CEP120: variants seen among roughly 807,000 people sequenced by gnomAD.
CEP120 encodes centrosomal protein 120.
In CEP120, 113 loss-of-function variants were observed where a neutral mutation model predicts 126.5. The ratio of observed to expected loss-of-function variants is 0.89; its 90% CI spans 0.77 to 1.04. The LOEUF (loss-of-function observed/expected upper bound fraction) is 1.04. CEP120 is among the 50% of genes least tolerant of loss of function. The pLI is 0.00. For synonymous variants in CEP120, 400 were observed against 394.3 expected (o/e 1.01, Z -0.17); for missense variants, 1,230 against 1,155.7 (o/e 1.06, Z -0.93).
At chr5:123,393,268 TC>T in intron 6 of CEP120, 31 bp downstream of exon 6, 1 of 1,604,836 alleles carries the variant, frequency 6.2e-7, no homozygotes, top group Middle Eastern at 1.7e-4. Flanking sequence ...AAAGACCACC[TC>T]CAGCTAAAAA....
In CEP120 at chr5:123,345,720, T is replaced by C. The variant is rs1768764792; in HGVS notation, c.*799A>G. 1 of 152,148 alleles carries C rather than the reference T, an allele frequency of 6.6e-6. No individual in the cohort carries two copies. The highest frequency in any genetic ancestry group is 1.5e-5 in the Non-Finnish European group (1 of 68,020). 9.4% of individuals were successfully genotyped at this position (152,148 alleles called of 1,614,324 possible). ...CACTCTATTTTTTCAGCTAATGTCT[T>C]TATGTGTCTGTTTCCATGTTCTATT... On this transcript the variant is annotated 3_prime_UTR_variant, in exon 20 of 20. Coordinates refer to ENST00000306467, the MANE Select transcript of CEP120 (RefSeq NM_001375405.1).
At chr5:123,378,574 A>C (rs533826961) in intron 14 of CEP120, 146 bp from the exon 15 acceptor site, 1 of 485,732 alleles carries the variant, frequency 2.1e-6, no homozygotes, top group African/African-American at 2.0e-5. Flanking sequence ...CAATTCAAAG[A>C]AAAAAATGTG....
At position 123,422,674 on chromosome 5, in the gene CEP120, G is replaced by C. The variant is rs112500942; in HGVS notation, c.49+276C>G. On this transcript the variant is annotated intron_variant, in intron 1 of 19. Transcript: ENST00000306467. ...GTTCAGCTCATATATAAAAGCCATC[G>C]ACGTGCTGCTTTGGATGAAAATCGT... 1.6e-3 allele frequency: 1,321 copies of C among 845,038 alleles called. 12 individuals carry two copies. In the African/African-American group the frequency reaches 0.02, roughly 13 times the overall value. 52.3% of individuals were successfully genotyped at this position (845,038 alleles called of 1,614,324 possible). A position where few individuals can be genotyped will look rare whatever the true frequency, so the allele number is the denominator to read the frequency against.
intron 3 of CEP120, among the ~76,000 whole-genome samples, chr5:123,414,704 C>T (rs1215764399): frequency 6.6e-5 from 10 of 152,158 alleles, no homozygotes; most frequent in African/African-American, 2.2e-4. Flanking sequence ...CGGTGGCTCA[C>T]GCCTGTAATC....
upstream of CEP120, chr5:123,423,645 G>A (rs1774872585): frequency 6.6e-6 from 1 of 152,306 alleles, no homozygotes; most frequent in South Asian, 2.1e-4. Context: ...CGTATTACCT[G>A]CTTTATGCTT....
chr5:123,364,649 C>A, intron 17 of CEP120, 55 bp from the exon 18 acceptor site: 2 of 1,005,276 alleles, frequency 2.0e-6, no homozygotes, highest in East Asian at 2.5e-5. Context: ...TGTACAACCA[C>A]TGAAAGATAA....
At position 123,418,457 on chromosome 5, in the gene CEP120, T is replaced by G. The variant is rs1289971154; in HGVS notation, c.108A>C (p.Gly36=). The G allele has an allele frequency of 3.1e-6, 5 of 1,611,960 alleles. No individual in the cohort carries two copies. Among genetic ancestry groups the G allele is most frequent in the Non-Finnish European group, 4.2e-6 (5 of 1,178,534 alleles). The change falls in exon 2 of 20, where the codon GGA becomes GGC. Residue 36 remains glycine, a synonymous_variant. Transcript: ENST00000306467. The part of the protein sequence containing the change: ...HMLVVEAKFD[G]EQLATDPVDH... ...CCACAGGATCAGTAGCCAACTGTTCTCCATCAAACTTTGCTTCCACTACAA... is the reference window on the plus strand; with the variant it reads ...CCACAGGATCAGTAGCCAACTGTTCGCCATCAAACTTTGCTTCCACTACAA...
intron 4 of CEP120, chr5:123,402,446 G>GCAAGAC: frequency 4.5e-6 from 4 of 888,546 alleles, no homozygotes; most frequent in Non-Finnish European, 6.2e-6. Context: ...TTGAGACAGA[G>GCAAGAC]TCTTGCTCTG....
chr5:123,408,589 T>C (rs1420104308), intron 4 of CEP120, among the ~76,000 whole-genome samples: 1 of 152,110 alleles, frequency 6.6e-6, no homozygotes, highest in Non-Finnish European at 1.5e-5. Context: ...ACAATCTGAA[T>C]AGGCCTATTA....
chr5:123,372,330 G>A (rs1401453891), intron 17 of CEP120, among the ~76,000 whole-genome samples: 1 of 152,028 alleles, frequency 6.6e-6, no homozygotes, highest in Non-Finnish European at 1.5e-5. Context: ...ACAGGATCTT[G>A]GCTATGCCTT....
intron 1 of CEP120, 135 bp from the exon 2 acceptor site, chr5:123,418,650 T>G: frequency 1.0e-5 from 7 of 679,500 alleles, no homozygotes; most frequent in Non-Finnish European, 1.1e-5. Flanking sequence ...AGGCTGGAGT[T>G]CAGTAGCGCA....
intron 17 of CEP120, among the ~76,000 whole-genome samples, chr5:123,367,787 T>C (rs1446531424): frequency 6.6e-6 from 1 of 151,922 alleles, no homozygotes; most frequent in African/African-American, 2.4e-5. Context: ...AAAATGGGAA[T>C]ATGCATATTA....
intron 18 of CEP120, among the ~76,000 whole-genome samples, chr5:123,362,771 A>T (rs1770181831): frequency 6.6e-6 from 1 of 151,586 alleles, no homozygotes; most frequent in South Asian, 2.1e-4. Flanking sequence ...ACAACTTTAA[A>T]CACTACCTCT....
At chr5:123,380,961 C>G (rs1055190468) in intron 14 of CEP120, among the ~76,000 whole-genome samples, 1 of 151,998 alleles carries the variant, frequency 6.6e-6, no homozygotes, top group Non-Finnish European at 1.5e-5. Flanking sequence ...CTTTGAAATA[C>G]TCTTATTTTT....
chr5:123,401,104 T>C (rs1275809937), intron 4 of CEP120: 5 of 1,597,196 alleles, frequency 3.1e-6, no homozygotes, highest in Non-Finnish European at 4.3e-6. Flanking sequence ...CTGGTGGTCT[T>C]CGTATGAATA....
At chr5:123,368,825 A>C (rs1056885493) in intron 17 of CEP120, among the ~76,000 whole-genome samples, 1 of 152,008 alleles carries the variant, frequency 6.6e-6, no homozygotes, top group Non-Finnish European at 1.5e-5. Flanking sequence ...CAACAGAGTG[A>C]ATTCAAAATC....
chr5:123,381,737 A>T (rs1233713193), intron 14 of CEP120, among the ~76,000 whole-genome samples: 2 of 150,310 alleles, frequency 1.3e-5, no homozygotes, highest in Non-Finnish European at 3.0e-5. Context: ...TTCTCTATTC[A>T]TTTTTGTATA....
intron 1 of CEP120, chr5:123,422,612 T>C: frequency 2.2e-6 from 3 of 1,389,988 alleles, no homozygotes; most frequent in Non-Finnish European, 3.0e-6. Flanking sequence ...GTGCTATTAT[T>C]GGGAACCGCT....
chr5:123,408,066 C>T (rs867861524), intron 4 of CEP120, among the ~76,000 whole-genome samples: 4 of 152,112 alleles, frequency 2.6e-5, no homozygotes, highest in African/African-American at 7.2e-5. Context: ...GTTTTTATTT[C>T]TCCTTCACTT....
Sources: allele counts gnomAD v4.1 joint callset (sites outside exome capture counted in the v4.1 genomes callset), GRCh38; gene constraint gnomAD v4.1.1; transcripts MANE v1.5; gene names NCBI Gene and HGNC (gene_info 2026-07-23, HGNC 2026-07-21).